SLC17A6: variants seen among roughly 807,000 people sequenced by gnomAD.
SLC17A6 encodes solute carrier family 17 member 6, also known as vesicular glutamate transporter 2.
In SLC17A6, 35 loss-of-function variants were observed where a neutral mutation model predicts 67.1. That is an observed-to-expected ratio of 0.52 (90% confidence interval 0.40 to 0.69). SLC17A6 has a LOEUF of 0.69. SLC17A6 is among the 30% of genes least tolerant of loss of function. The pLI, the probability that SLC17A6 is intolerant of heterozygous loss-of-function variation, is 0.00. For synonymous variants in SLC17A6, 285 were observed against 252.3 expected (o/e 1.13, Z -1.23); for missense variants, 588 against 723.9 (o/e 0.81, Z 2.15).
chr11:22,340,703 A>C (rs1289602647), intron 1 of SLC17A6, among the ~76,000 whole-genome samples: 1 of 152,198 alleles, frequency 6.6e-6, no homozygotes, highest in Non-Finnish European at 1.5e-5. Flanking sequence ...TTCTGGCAGT[A>C]GGAAGCTTAG....
chr11:22,374,968 T>C, intron 9 of SLC17A6, 81 bp downstream of exon 9: 1 of 1,320,126 alleles, frequency 7.6e-7, no homozygotes, highest in South Asian at 1.8e-5. Flanking sequence ...TTTCTACACA[T>C]ATCAAATTAC....
chr11:22,353,346 C>CCAAAACAAAA lies in SLC17A6; in HGVS notation c.459-6045_459-6036dup, dbSNP rs537966448. The stretch of plus-strand genomic sequence containing the variant: ...TTTAATTTGGATTTTCACAGTGTAA[C>CCAAAACAAAA]CAAAACAAAACAAAACAAAACAAAA... On this transcript the variant is annotated intron_variant, in intron 3 of 11. Transcript: ENST00000263160. Among the ~76,000 whole-genome samples the CCAAAACAAAA allele has an allele frequency of 4.0e-3, 608 of 151,874 alleles. 7 individuals carry two copies. The highest frequency in any genetic ancestry group is 0.014 in the African/African-American group (579 of 41,386).
At chr11:22,360,817 G>A in intron 4 of SLC17A6, 80 bp from the exon 5 acceptor site, 1 of 1,181,956 alleles carries the variant, frequency 8.5e-7, no homozygotes, top group Non-Finnish European at 1.2e-6. Context: ...AGTCTGAAGG[G>A]CAGGGAGGAT....
At chr11:22,348,234 T>C (rs1855900410) in intron 3 of SLC17A6, among the ~76,000 whole-genome samples, 1 of 152,070 alleles carries the variant, frequency 6.6e-6, no homozygotes, top group Non-Finnish European at 1.5e-5. Flanking sequence ...ATTGCAAAGT[T>C]TGCTTTCAGC....
intron 3 of SLC17A6, among the ~76,000 whole-genome samples, chr11:22,358,192 G>A (rs1053199045): frequency 2.6e-5 from 4 of 152,138 alleles, no homozygotes; most frequent in Non-Finnish European, 5.9e-5. Flanking sequence ...GATAAAATTT[G>A]CCTAAAATAT....
intron 7 of SLC17A6, among the ~76,000 whole-genome samples, chr11:22,366,001 GT>G (rs1372772678): frequency 6.6e-6 from 1 of 150,982 alleles, no homozygotes; most frequent in Non-Finnish European, 1.5e-5. Flanking sequence ...ATAAATAGTT[GT>G]TCATTTTACG....
At chr11:22,361,831 G>T (rs1170615396) in intron 5 of SLC17A6, among the ~76,000 whole-genome samples, 1 of 152,154 alleles carries the variant, frequency 6.6e-6, no homozygotes, top group South Asian at 2.1e-4. Flanking sequence ...AGGCAAGAGA[G>T]CAATTCCCTT....
intron 3 of SLC17A6, among the ~76,000 whole-genome samples, chr11:22,355,019 A>G (rs551243723): frequency 2.0e-5 from 3 of 152,200 alleles, no homozygotes; most frequent in African/African-American, 7.2e-5. Flanking sequence ...GATACAACAC[A>G]TTAGTATTAT....
chr11:22,375,857 G>A (rs776691788), intron 9 of SLC17A6, 125 bp from the exon 10 acceptor site: 15 of 565,600 alleles, frequency 2.7e-5, no homozygotes, highest in South Asian at 1.2e-4. Flanking sequence ...ATTATTATTA[G>A]TTTTGAAGAT....
chr11:22,360,412 A>G (rs1300790663), intron 4 of SLC17A6, among the ~76,000 whole-genome samples: 2 of 152,052 alleles, frequency 1.3e-5, no homozygotes, highest in African/African-American at 4.8e-5. Flanking sequence ...TAGGTCCAGT[A>G]AACCACCATG....
chr11:22,344,853 T>C (rs546285199), intron 3 of SLC17A6, among the ~76,000 whole-genome samples: 1 of 152,140 alleles, frequency 6.6e-6, no homozygotes, highest in Non-Finnish European at 1.5e-5. Context: ...ATATTTTTGG[T>C]TTTTAGATCC....
chr11:22,365,775 C>A, intron 7 of SLC17A6, 86 bp downstream of exon 7: 2 of 1,396,198 alleles, frequency 1.4e-6, no homozygotes, highest in Admixed American at 2.4e-5. Flanking sequence ...AGTTCTTCCT[C>A]AGCAAAACTA....
chr11:22,354,939 G>A (rs971869886), intron 3 of SLC17A6, among the ~76,000 whole-genome samples: 3 of 152,110 alleles, frequency 2.0e-5, no homozygotes, highest in Admixed American at 6.6e-5. Context: ...TGAATTTATT[G>A]TCATATGTCA....
chr11:22,353,844 C>T (rs1396056427), intron 3 of SLC17A6, among the ~76,000 whole-genome samples: 1 of 152,044 alleles, frequency 6.6e-6, no homozygotes, highest in Non-Finnish European at 1.5e-5. Flanking sequence ...CCATATCTGC[C>T]CCTTTTGTGA....
chr11:22,367,544 C>G (rs1486497150), intron 7 of SLC17A6, among the ~76,000 whole-genome samples: 2 of 151,852 alleles, frequency 1.3e-5, no homozygotes, highest in South Asian at 4.2e-4. Context: ...CTAGTATGCA[C>G]TGGTGCCCAC....
chr11:22,366,793 T>C (rs943064630), intron 7 of SLC17A6, among the ~76,000 whole-genome samples: 1 of 151,884 alleles, frequency 6.6e-6, no homozygotes, highest in East Asian at 1.9e-4. Context: ...TTGCCTGAGG[T>C]CAGGAGTTTG....
rs750187114 is a variant in SLC17A6 at position 22,379,032 on chromosome 11, A to G, written c.*1292A>G. On this transcript the variant is annotated 3_prime_UTR_variant, in exon 12 of 12. Coordinates refer to ENST00000263160, the MANE Select transcript of SLC17A6 (RefSeq NM_020346.3). ...TGTCATTTCTTAATATAACTCAACA[A>G]GAATTGCAACATTTGTGTACCAAGC... 1.3e-5 allele frequency: 2 copies of G among 152,572 alleles called. No homozygotes were observed. The highest frequency in any genetic ancestry group is 3.2e-3 in the Middle Eastern group (1 of 316). The allele number at this position is 152,572 out of a possible 1,614,324, so 9.5% of individuals were successfully genotyped here.
Position 22,363,235 on chromosome 11 carries a change from G to A in SLC17A6, c.748+410G>A, listed in dbSNP as rs530378681. ...GAATGGGGGTGGAAAGCTGAAAGGG[G>A]GGGTGGAAAGCTGAAAGGGGGTGGT... On this transcript the variant is annotated intron_variant, in intron 6 of 11. Transcript: ENST00000263160. Among the ~76,000 whole-genome samples the A allele has an allele frequency of 3.4e-5, 5 of 147,348 alleles. No homozygotes were observed. The East Asian group carries it at 8.7e-4, about 26-fold the overall frequency.
In SLC17A6 at chr11:22,344,068, T is replaced by G. The variant is rs542944658; in HGVS notation, c.458+703T>G. Among the ~76,000 whole-genome samples, 9 of 151,964 alleles carry G rather than the reference T, an allele frequency of 5.9e-5. No individual in the cohort carries two copies. In the South Asian group the frequency reaches 1.7e-3, roughly 28 times the overall value. On this transcript the variant is annotated intron_variant, in intron 3 of 11. Coordinates refer to ENST00000263160, the MANE Select transcript of SLC17A6 (RefSeq NM_020346.3). Reference sequence around the variant, plus strand: ...GACCTAAGGACCGATGGGGTGGAGGTGTCGAGGGGCACGCTTGGCCACCAG... The same window carrying G: ...GACCTAAGGACCGATGGGGTGGAGGGGTCGAGGGGCACGCTTGGCCACCAG...
Sources: allele counts gnomAD v4.1 joint callset (sites outside exome capture counted in the v4.1 genomes callset), GRCh38; gene constraint gnomAD v4.1.1; transcripts MANE v1.5; gene names NCBI Gene and HGNC (gene_info 2026-07-23, HGNC 2026-07-21).